Variants in ADAM12 observed in about 807,000 individuals in gnomAD.
The protein encoded by ADAM12 is disintegrin and metalloproteinase domain-containing protein 12.
A neutral mutation model predicts 106.4 loss-of-function variants in ADAM12; 70 were observed. That is an observed-to-expected ratio of 0.66 (90% CI 0.54 to 0.80). ADAM12 has a LOEUF of 0.80. Among genes scored for constraint, ADAM12 ranks in the 30% least tolerant of loss-of-function variants. The probability of loss-of-function intolerance (pLI) is 0.00; values close to 1 mark genes in which losing one functional copy is unlikely to be tolerated. For missense variants in ADAM12, 1,010 were observed against 1,171.9 expected (o/e 0.86, Z 2.02); for synonymous variants, 420 against 433.5 (o/e 0.97, Z 0.39).
intron 3 of ADAM12, among the ~76,000 whole-genome samples, chr10:126,249,884 C>G (rs1053424973): frequency 6.6e-6 from 1 of 152,178 alleles, no homozygotes; most frequent in Non-Finnish European, 1.5e-5. Context: ...ATTATTGGAG[C>G]ACACACCATG....
intron 3 of ADAM12, among the ~76,000 whole-genome samples, chr10:126,166,765 GA>G (rs1158472216): frequency 6.6e-6 from 1 of 152,128 alleles, no homozygotes; most frequent in African/African-American, 2.4e-5. Flanking sequence ...CCAAAGGCAT[GA>G]GCCATCATGC....
intron 22 of ADAM12, among the ~76,000 whole-genome samples, chr10:126,019,461 C>CT (rs1953719145): frequency 6.6e-6 from 1 of 152,220 alleles, no homozygotes; most frequent in African/African-American, 2.4e-5. Context: ...GATTTGCTCT[C>CT]TTAGGTCCAC....
chr10:126,309,906 C>T (rs1961007557), intron 2 of ADAM12, among the ~76,000 whole-genome samples: 1 of 152,070 alleles, frequency 6.6e-6, no homozygotes, highest in Admixed American at 6.6e-5. Context: ...CGCAGGTAAT[C>T]CCAGCACTTT....
chr10:126,339,289 C>G (rs1240487133), intron 1 of ADAM12, among the ~76,000 whole-genome samples: 1 of 152,196 alleles, frequency 6.6e-6, no homozygotes, highest in African/African-American at 2.4e-5. Context: ...GTCACCATCA[C>G]CACCTCAAAT....
At chr10:126,187,610 G>C (rs1051671469) in intron 3 of ADAM12, among the ~76,000 whole-genome samples, 1 of 152,198 alleles carries the variant, frequency 6.6e-6, no homozygotes. Flanking sequence ...CCTGCCCCTA[G>C]AGGGTGGTGT....
chr10:126,357,198 T>C (rs1317263135), intron 1 of ADAM12, among the ~76,000 whole-genome samples: 2 of 152,064 alleles, frequency 1.3e-5, no homozygotes, highest in African/African-American at 4.8e-5. Flanking sequence ...CAAAAAATTG[T>C]GAGAGCAGCA....
At chr10:126,077,252 G>A (rs1955120251) in intron 11 of ADAM12, among the ~76,000 whole-genome samples, 1 of 152,138 alleles carries the variant, frequency 6.6e-6, no homozygotes, top group Admixed American at 6.5e-5. Context: ...AGAAATCAGA[G>A]ATGACCCAAA....
intron 3 of ADAM12, among the ~76,000 whole-genome samples, chr10:126,260,597 C>T (rs1486234043): frequency 6.6e-6 from 1 of 152,158 alleles, no homozygotes; most frequent in Non-Finnish European, 1.5e-5. Context: ...TTCCTTAAGG[C>T]CAGTTAATTG....
intron 3 of ADAM12, among the ~76,000 whole-genome samples, chr10:126,238,770 A>G (rs946855498): frequency 1.2e-4 from 18 of 152,192 alleles, no homozygotes; most frequent in African/African-American, 4.3e-4. Flanking sequence ...TCATAAAATA[A>G]ATCCATAGTT....
chr10:126,062,009 C>T (rs986930136), intron 14 of ADAM12, among the ~76,000 whole-genome samples: 8 of 152,150 alleles, frequency 5.3e-5, no homozygotes, highest in Non-Finnish European at 1.2e-4. Flanking sequence ...ATTCCAAGAG[C>T]TCCCTGGCAT....
At chr10:126,087,312 T>C (rs1346483789) in intron 11 of ADAM12, among the ~76,000 whole-genome samples, 1 of 152,202 alleles carries the variant, frequency 6.6e-6, no homozygotes, top group African/African-American at 2.4e-5. Context: ...AGGCTGCATA[T>C]TGATGCGCCC....
Position 126,071,581 on chromosome 10 carries a change from C to T in ADAM12, c.1219G>A (p.Val407Met), listed in dbSNP as rs143771057. Reference sequence around the variant, plus strand: ...ACTTCCGGCAGGTTAAACAGGCACACCCCCATTCCTTTCTCCAGGCTGGTC... The same window carrying T: ...ACTTCCGGCAGGTTAAACAGGCACATCCCCATTCCTTTCTCCAGGCTGGTC... ...LETSLEKGMG[V>M]CLFNLPEVRE... is the part of the protein sequence containing the mutation. Residue 407 changes from valine to methionine, a missense_variant, in exon 12 of 23, where the codon GTG (valine) becomes ATG (methionine). Around this residue, in one of 3 missense-constraint regions of ADAM12, gnomAD observed 615 missense variants for 708.5 expected, o/e 0.87. Coordinates refer to ENST00000448723, the MANE Select transcript of ADAM12 (RefSeq NM_001288973.2). 2.6e-5 allele frequency: 42 copies of T among 1,614,046 alleles called. No individual in the cohort carries two copies. The highest frequency in any genetic ancestry group is 3.1e-5 in the Non-Finnish European group (36 of 1,180,032).
chr10:126,354,529 T>C (rs1162692187), intron 1 of ADAM12, among the ~76,000 whole-genome samples: 2 of 152,232 alleles, frequency 1.3e-5, no homozygotes, highest in Non-Finnish European at 2.9e-5. Context: ...TCAAAAATTA[T>C]GTAATTGTTT....
At chr10:126,071,349 C>A in intron 12 of ADAM12, 128 bp downstream of exon 12, 2 of 1,126,698 alleles carry the variant, frequency 1.8e-6, no homozygotes, top group Non-Finnish European at 1.3e-6. Flanking sequence ...TCAGGATGGG[C>A]AGATAGGACT....
At chr10:126,065,319 G>T (rs191223570) in intron 13 of ADAM12, among the ~76,000 whole-genome samples, 2 of 152,192 alleles carry the variant, frequency 1.3e-5, no homozygotes, top group Admixed American at 6.5e-5. Context: ...GGAGGGAAGC[G>T]TTGGCTGCTG....
chr10:126,231,019 A>C (rs765893137), intron 3 of ADAM12, among the ~76,000 whole-genome samples: 17 of 152,178 alleles, frequency 1.1e-4, no homozygotes, highest in Non-Finnish European at 1.9e-4. Flanking sequence ...AACCAAAAAC[A>C]TTTTATTAAG....
intron 5 of ADAM12, among the ~76,000 whole-genome samples, chr10:126,128,786 G>A (rs1240942074): frequency 6.7e-6 from 1 of 150,106 alleles, no homozygotes; most frequent in Non-Finnish European, 1.5e-5. Context: ...AGTGTGTGGT[G>A]CGCGTGTCGG....
At chr10:126,295,589 G>A (rs892647889) in intron 2 of ADAM12, among the ~76,000 whole-genome samples, 3 of 117,810 alleles carry the variant, frequency 2.5e-5, no homozygotes, top group Non-Finnish European at 3.7e-5. Context: ...TCTCCTATTG[G>A]AAGTGAGAAA....
At chr10:126,307,974 A>T (rs1960923064) in intron 2 of ADAM12, among the ~76,000 whole-genome samples, 1 of 152,188 alleles carries the variant, frequency 6.6e-6, no homozygotes, top group Non-Finnish European at 1.5e-5. Flanking sequence ...TAAAGGATCC[A>T]GATGATTTTC....
Sources: allele counts gnomAD v4.1 joint callset (sites outside exome capture counted in the v4.1 genomes callset), GRCh38; gene constraint gnomAD v4.1.1; regional missense constraint gnomAD v4.1.1; transcripts MANE v1.5; gene names NCBI Gene and HGNC (gene_info 2026-07-23, HGNC 2026-07-21).